PDE10A: variants seen among roughly 807,000 people sequenced by gnomAD.
PDE10A encodes cAMP and cAMP-inhibited cGMP 3',5'-cyclic phosphodiesterase 10A.
PDE10A carries 39 observed loss-of-function variants against 97.7 expected under a neutral mutation model. That is an observed-to-expected ratio of 0.40 (90% CI 0.31 to 0.52). The LOEUF is 0.52. PDE10A is among the 20% of genes least tolerant of loss of function. The pLI, the probability that PDE10A is intolerant of heterozygous loss-of-function variation, is 0.56. For synonymous variants in PDE10A, 371 were observed against 376.8 expected, an observed-to-expected ratio of 0.98 and a Z score of 0.18; for missense variants, 731 against 1,047.8, an observed-to-expected ratio of 0.70 and a Z score of 4.17.
At chr6:165,890,680 C>T (rs777172964) in intron 1 of PDE10A, among the ~76,000 whole-genome samples, 4 of 152,072 alleles carry the variant, frequency 2.6e-5, no homozygotes, top group African/African-American at 7.2e-5. Flanking sequence ...GAAATCACAG[C>T]GTTAGAAAGG....
intron 1 of PDE10A, among the ~76,000 whole-genome samples, chr6:165,672,082 A>T (rs1478514919): frequency 6.6e-6 from 1 of 152,190 alleles, no homozygotes; most frequent in African/African-American, 2.4e-5. Context: ...ATCAATATAG[A>T]TACTCCCATG....
In PDE10A at chr6:165,395,196, G is replaced by C; in HGVS notation, c.2288C>G (p.Ser763Cys). The change falls in exon 15 of 22, where the codon TCC (serine) becomes TGC (cysteine). Residue 763 changes from serine (S) to cysteine (C), a missense_variant. Ser to Cys is a moderately radical substitution (Grantham distance 112). This residue lies in a region of PDE10A where 131 missense variants were observed against 187.4 expected (regional missense o/e 0.70). Coordinates refer to ENST00000539869, the MANE Select transcript of PDE10A (RefSeq NM_001385079.1). ...PGIFVYMVHR[S>C]CGTSCFELEK... is the part of the protein sequence containing the mutation. ...TCATTCATACCAGGATGTCCCACAG[G>C]ACCGATGAACCATGTAGACAAAAAT... is the stretch of plus-strand genomic sequence containing the variant. The C allele has an allele frequency of 1.2e-6, 2 of 1,611,614 alleles. No homozygotes were observed. The highest frequency in any genetic ancestry group is 1.7e-6 in the Non-Finnish European group (2 of 1,177,970).
intron 1 of PDE10A, among the ~76,000 whole-genome samples, chr6:165,606,511 C>A (rs1341463844): frequency 1.3e-5 from 2 of 152,164 alleles, no homozygotes; most frequent in South Asian, 2.1e-4. Flanking sequence ...CTATTAAAAA[C>A]TTCCACGAGT....
intron 1 of PDE10A, among the ~76,000 whole-genome samples, chr6:165,689,155 G>A (rs1582932540): frequency 6.6e-6 from 1 of 152,186 alleles, no homozygotes; most frequent in Non-Finnish European, 1.5e-5. Flanking sequence ...TGTAGGCTTT[G>A]CCTCTTGTTA....
chr6:165,840,601 G>A (rs1056474045), intron 1 of PDE10A, among the ~76,000 whole-genome samples: 2 of 152,118 alleles, frequency 1.3e-5, no homozygotes, highest in Admixed American at 1.3e-4. Context: ...GATGAATGTG[G>A]GAAGACTCAG....
In PDE10A at chr6:165,652,325, T is replaced by C. The variant is rs113547493; in HGVS notation, c.865+9622A>G. 9.7e-3 allele frequency among the ~76,000 whole-genome samples: 1,476 copies of C among 151,980 alleles called. 22 individuals are homozygous for C. The highest frequency in any genetic ancestry group is 0.034 in the African/African-American group (1,395 of 41,444). On this transcript the variant is annotated intron_variant, in intron 1 of 21. Transcript: ENST00000539869. ...AGGCTACAGTGCAATGGTGTGATCA[T>C]GGCTCACTGCAGCCTCAACCTCCCG...
At chr6:165,505,064 TG>T (rs1050900895) in intron 2 of PDE10A, among the ~76,000 whole-genome samples, 2 of 152,180 alleles carry the variant, frequency 1.3e-5, no homozygotes, top group African/African-American at 2.4e-5. Flanking sequence ...TGTGAAATTC[TG>T]GGGCCTAAAA....
intron 1 of PDE10A, among the ~76,000 whole-genome samples, chr6:165,794,126 CA>C (rs1316927723): frequency 2.0e-5 from 3 of 151,612 alleles, no homozygotes; most frequent in Non-Finnish European, 4.4e-5. Context: ...TACACACACA[CA>C]CACACGCTCA....
At chr6:165,481,360 G>A (rs969573682) in intron 3 of PDE10A, among the ~76,000 whole-genome samples, 1 of 152,118 alleles carries the variant, frequency 6.6e-6, no homozygotes, top group African/African-American at 2.4e-5. Flanking sequence ...GACCTCAAGA[G>A]AATCCTACAT....
At chr6:165,485,486 A>G in intron 2 of PDE10A, among the ~76,000 whole-genome samples, 1 of 151,198 alleles carries the variant, frequency 6.6e-6, no homozygotes, top group Middle Eastern at 3.4e-3. Context: ...AAAAAAAAAA[A>G]GACAAGTCTT....
chr6:165,709,400 C>A (rs534866281), intron 1 of PDE10A, among the ~76,000 whole-genome samples: 5 of 142,998 alleles, frequency 3.5e-5, no homozygotes, highest in Non-Finnish European at 7.6e-5. Flanking sequence ...CATGCTGCCG[C>A]GCTCCCTCCA....
chr6:165,590,747 C>T lies in PDE10A; in HGVS notation c.866-47179G>A, dbSNP rs138497759. ...TCTACTAAAAATACAAAAAATAAGC[C>T]GGGCATGGTGGCGGGCGCCTGTAGT... On this transcript the variant is annotated intron_variant, in intron 1 of 21. Transcript: ENST00000539869. 3.0e-3 allele frequency among the ~76,000 whole-genome samples: 455 copies of T among 152,072 alleles called. 3 individuals are homozygous for T. The highest frequency in any genetic ancestry group is 0.01 in the African/African-American group (421 of 41,488).
At chr6:165,718,813 T>C (rs1158744569) in intron 1 of PDE10A, among the ~76,000 whole-genome samples, 9 of 151,970 alleles carry the variant, frequency 5.9e-5, no homozygotes. Flanking sequence ...TGGCTAAGGA[T>C]AACAAGATAA....
intron 1 of PDE10A, among the ~76,000 whole-genome samples, chr6:165,843,857 C>A (rs956607917): frequency 1.3e-5 from 2 of 152,210 alleles, no homozygotes; most frequent in Non-Finnish European, 2.9e-5. Context: ...AGGCTCAAGT[C>A]GGTGCCTAAA....
At chr6:165,748,635 T>C (rs922510365) in intron 1 of PDE10A, among the ~76,000 whole-genome samples, 3 of 152,220 alleles carry the variant, frequency 2.0e-5, no homozygotes, top group African/African-American at 7.2e-5. Context: ...AGAAGCAAAC[T>C]GTTCACAGTA....
intron 2 of PDE10A, among the ~76,000 whole-genome samples, chr6:165,524,204 A>T (rs1174969967): frequency 6.6e-6 from 1 of 152,146 alleles, no homozygotes; most frequent in African/African-American, 2.4e-5. Context: ...CTCACTATGG[A>T]TATATATCTC....
chr6:165,867,283 T>TTCAC (rs1275419656), intron 1 of PDE10A, among the ~76,000 whole-genome samples: 1 of 148,656 alleles, frequency 6.7e-6, no homozygotes, highest in East Asian at 2.0e-4. Flanking sequence ...AGAAACTCAC[T>TTCAC]TCACCAGTAA....
intron 1 of PDE10A, among the ~76,000 whole-genome samples, chr6:165,774,030 A>G (rs370568000): frequency 1.6e-4 from 25 of 152,262 alleles, no homozygotes; most frequent in African/African-American, 5.3e-4. Flanking sequence ...TGACATTTCA[A>G]TTGTCTGGAA....
At chr6:165,934,788 A>G (rs904765067) in intron 1 of PDE10A, among the ~76,000 whole-genome samples, 4 of 123,818 alleles carry the variant, frequency 3.2e-5, no homozygotes, top group Non-Finnish European at 5.2e-5. Flanking sequence ...ATTGGATGAC[A>G]CTACTACTAC....
Sources: gnomAD v4.1 joint callset for allele counts (sites outside exome capture counted in the v4.1 genomes callset) on GRCh38, gnomAD v4.1.1 for gene constraint, gnomAD v4.1.1 regional missense constraint, MANE v1.5 for transcripts, NCBI Gene and HGNC (gene_info 2026-07-23, HGNC 2026-07-21) for gene names.